TFDP1: variants seen among roughly 807,000 people sequenced by gnomAD.
The protein encoded by TFDP1 is DRTF1-polypeptide 1.
A neutral mutation model predicts 48.0 loss-of-function variants in TFDP1; 6 were observed. The ratio of observed to expected loss-of-function variants is 0.13; its 90% confidence interval spans 0.07 to 0.25. TFDP1 has a LOEUF of 0.25. Among genes scored for constraint, TFDP1 ranks in the 10% least tolerant of loss-of-function variants. The pLI, the probability that TFDP1 is intolerant of heterozygous loss-of-function variation, is 1.00. For missense variants in TFDP1, 335 were observed against 543.0 expected (o/e 0.62, Z 3.81); for synonymous variants, 201 against 211.6 (o/e 0.95, Z 0.44).
Position 113,598,971 on chromosome 13 carries a change from G to A in TFDP1, c.13-12025G>A, listed in dbSNP as rs890558695. Among the ~76,000 whole-genome samples, 1 of 152,168 alleles carries A rather than the reference G, an allele frequency of 6.6e-6. No homozygotes were observed. The highest frequency in any genetic ancestry group is 1.5e-5 in the Non-Finnish European group (1 of 68,028). On this transcript the variant is annotated intron_variant, in intron 2 of 11. Coordinates refer to ENST00000375370, the MANE Select transcript of TFDP1 (RefSeq NM_007111.5). This position sits in a 1 kb window ranked among gnomAD's most constrained non-coding sequence, Gnocchi z 4.2. ...ATGGAAAGTTTATTTAAAAACGTAG[G>A]GTGCAGAAAGGTGTCAGAAAGTAAG...
intron 2 of TFDP1, among the ~76,000 whole-genome samples, chr13:113,610,493 C>A (rs1488416513): frequency 7.0e-6 from 1 of 142,706 alleles, no homozygotes; most frequent in Non-Finnish European, 1.5e-5. Flanking sequence ...GTGGTTGTGC[C>A]ATCACGTGTG....
chr13:113,589,868 C>T (rs1185668136), intron 2 of TFDP1, among the ~76,000 whole-genome samples: 1 of 152,166 alleles, frequency 6.6e-6, no homozygotes, highest in African/African-American at 2.4e-5. Flanking sequence ...GCAGCATGAC[C>T]CTTGGTGGGA....
chr13:113,631,482 A>G, intron 4 of TFDP1, 141 bp from the exon 5 acceptor site: 2 of 1,072,920 alleles, frequency 1.9e-6, no homozygotes, highest in South Asian at 4.8e-5. Context: ...CCACCGCTGG[A>G]CGTTTTTCCT....
Position 113,627,306 on chromosome 13 carries a change from C to G in TFDP1, c.186+4020C>G, listed in dbSNP as rs183392035. Among the ~76,000 whole-genome samples, 1 of 152,226 alleles carries G rather than the reference C, an allele frequency of 6.6e-6. No individual in the cohort carries two copies. Among genetic ancestry groups the G allele is most frequent in the East Asian group, 1.9e-4 (1 of 5,180 alleles). On this transcript the variant is annotated intron_variant, in intron 4 of 11. Coordinates refer to ENST00000375370, the MANE Select transcript of TFDP1 (RefSeq NM_007111.5). The surrounding 1 kb of genome is among the most constrained non-coding windows in gnomAD (Gnocchi z 4.1). ...GCCTGTGGTGCTGCAGAGCTCAGCA[C>G]GCGCACAGGAACGTGTGCGGGACAG...
chr13:113,592,666 A>G (rs958602197), intron 2 of TFDP1, among the ~76,000 whole-genome samples: 1 of 152,238 alleles, frequency 6.6e-6, no homozygotes, highest in African/African-American at 2.4e-5. Context: ...GAAGCAGGAG[A>G]GGGTCAGAAA....
At chr13:113,596,886 C>T (rs377444265) in intron 2 of TFDP1, among the ~76,000 whole-genome samples, 147 of 152,310 alleles carry the variant, frequency 9.7e-4, no homozygotes, top group Non-Finnish European at 1.5e-3. Flanking sequence ...TTCCCTGGAG[C>T]CCTGTTTTTG....
At chr13:113,600,579 A>G (rs1040863810) in intron 2 of TFDP1, among the ~76,000 whole-genome samples, 16 of 139,820 alleles carry the variant, frequency 1.1e-4, no homozygotes, top group African/African-American at 2.7e-5. Context: ...ACTGCAAGAG[A>G]GAACCCAGGA....
chr13:113,627,168 T>C lies in TFDP1; in HGVS notation c.186+3882T>C, dbSNP rs1321048123. Among the ~76,000 whole-genome samples the C allele has an allele frequency of 6.6e-6, 1 of 152,190 alleles. No homozygotes were observed. The highest frequency in any genetic ancestry group is 1.5e-5 in the Non-Finnish European group (1 of 68,018). On this transcript the variant is annotated intron_variant, in intron 4 of 11. Transcript: ENST00000375370. The surrounding 1 kb of genome is among the most constrained non-coding windows in gnomAD (Gnocchi z 4.1). ...TTCTGACACGAGGGGTGGGGCTCAGTCCGGGCATGTGAGTGAAAGCGGTGG... is the reference window on the plus strand; with the variant it reads ...TTCTGACACGAGGGGTGGGGCTCAGCCCGGGCATGTGAGTGAAAGCGGTGG...
At chr13:113,617,531 T>C (rs1594481589) in intron 3 of TFDP1, among the ~76,000 whole-genome samples, 1 of 136,956 alleles carries the variant, frequency 7.3e-6, no homozygotes, top group African/African-American at 2.8e-5. Flanking sequence ...TGCAGAACCA[T>C]TCACCTGCAG....
At chr13:113,626,508 C>G (rs1243872583) in intron 4 of TFDP1, among the ~76,000 whole-genome samples, 1 of 152,058 alleles carries the variant, frequency 6.6e-6, no homozygotes, top group African/African-American at 2.4e-5. Context: ...TCCCACTTCC[C>G]TGCGCCCCGC....
chr13:113,635,568 C>T (rs537272069), intron 8 of TFDP1, among the ~76,000 whole-genome samples: 18 of 152,324 alleles, frequency 1.2e-4, no homozygotes, highest in African/African-American at 4.1e-4. Flanking sequence ...GGCCCTTCTG[C>T]GTTCCACTTT....
chr13:113,600,277 C>T (rs144868353), intron 2 of TFDP1, among the ~76,000 whole-genome samples: 164 of 142,128 alleles, frequency 1.2e-3, no homozygotes, highest in African/African-American at 4.3e-3. Context: ...GCTCCAGGAC[C>T]GCGATAGAGA....
chr13:113,636,826 G>A (rs1422574729), intron 10 of TFDP1, 126 bp downstream of exon 10: 4 of 1,192,946 alleles, frequency 3.4e-6, no homozygotes, highest in African/African-American at 1.7e-5. Flanking sequence ...AGGGCCAGGA[G>A]CAAAGACAAA....
intron 2 of TFDP1, among the ~76,000 whole-genome samples, chr13:113,606,642 C>G (rs2048578225): frequency 6.6e-6 from 1 of 152,162 alleles, no homozygotes; most frequent in African/African-American, 2.4e-5. Flanking sequence ...TCACGTCTCC[C>G]CAGTTCACCT....
rs769740720 is a variant in TFDP1 at position 113,633,827 on chromosome 13, A to G, written c.475-63A>G. The G allele has an allele frequency of 1.9e-6, 3 of 1,549,300 alleles. No individual in the cohort carries two copies. Among genetic ancestry groups the G allele is most frequent in the South Asian group, 1.2e-5 (1 of 80,162 alleles). On this transcript the variant is annotated intron_variant, in intron 6 of 11. Transcript: ENST00000375370. The surrounding 1 kb of genome is among the most constrained non-coding windows in gnomAD (Gnocchi z 4.5). ...CCCTTTGAGCCAGTGCCCATGGTCT[A>G]CAGTTTAAGGATCCACCGGCCTTTT...
chr13:113,593,488 G>A lies in TFDP1; in HGVS notation c.12+7639G>A, dbSNP rs1181287871. 8.9e-5 allele frequency among the ~76,000 whole-genome samples: 9 copies of A among 101,336 alleles called. No homozygotes were observed. The South Asian group carries it at 1.1e-3, about 12-fold the overall frequency. The allele number at this position is 101,336 out of a possible 152,430, so 66.5% of individuals were successfully genotyped here. A position where few individuals can be genotyped will look rare whatever the true frequency, so the allele number is the denominator to read the frequency against. ...GTGTGGTGTGCGCGGGTCCTCAGCC[G>A]TGCCCAGGTGACAGGTGTGCTGTGT... On this transcript the variant is annotated intron_variant, in intron 2 of 11. Transcript: ENST00000375370.
chr13:113,631,469 C>G (rs879497003), intron 4 of TFDP1, among the ~76,000 whole-genome samples, 154 bp from the exon 5 acceptor site: 4 of 152,184 alleles, frequency 2.6e-5, no homozygotes, highest in Non-Finnish European at 4.4e-5. Context: ...GTGACAAAAG[C>G]GTCCACCGCT....
At chr13:113,626,588 G>A in intron 4 of TFDP1, among the ~76,000 whole-genome samples, 1 of 151,970 alleles carries the variant, frequency 6.6e-6, no homozygotes. Flanking sequence ...CAGATCCCAG[G>A]CAGCTTTTGT....
chr13:113,633,309 A>C lies in TFDP1; in HGVS notation c.474+24A>C, dbSNP rs759805531. ...CAGTAAGTGTGTGCCGGGGGCCGAG[A>C]GGCTGGGGTGGCGGAGCCCAGCGGT... On this transcript the variant is annotated intron_variant, in intron 6 of 11. Transcript: ENST00000375370. The surrounding 1 kb of genome is among the most constrained non-coding windows in gnomAD (Gnocchi z 4.5). 3 of 1,605,598 alleles carry C rather than the reference A, an allele frequency of 1.9e-6. No individual in the cohort carries two copies. The African/African-American group carries it at 4.0e-5, about 21-fold the overall frequency.
Sources: gnomAD v4.1 joint callset for allele counts (sites outside exome capture counted in the v4.1 genomes callset) on GRCh38, gnomAD v4.1.1 for gene constraint, Gnocchi (gnomAD v3.1) non-coding constraint, MANE v1.5 for transcripts, NCBI Gene and HGNC (gene_info 2026-07-23, HGNC 2026-07-21) for gene names.